The following MGAM2 variants were observed in gnomAD, a reference collection of about 807,000 sequenced individuals.
The protein encoded by MGAM2 is probable maltase-glucoamylase 2.
Under a neutral mutation model 96.1 loss-of-function variants are expected in MGAM2, and 98 were observed. That is an observed-to-expected ratio of 1.02 (90% CI 0.87 to 1.21). The LOEUF (loss-of-function observed/expected upper bound fraction) is 1.21. MGAM2 is among the 50% of genes most tolerant of loss of function. The pLI is 0.00. For missense variants in MGAM2, 2,055 were observed against 1,182.4 expected (o/e 1.74, Z -10.82); for synonymous variants, 749 against 414.8 (o/e 1.81, Z -9.79).
intron 27 of MGAM2, among the ~76,000 whole-genome samples, chr7:142,170,443 T>A (rs1796153371): frequency 6.6e-6 from 1 of 152,180 alleles, no homozygotes; most frequent in Non-Finnish European, 1.5e-5. Flanking sequence ...AATGAAGTAT[T>A]GTTTGATTTC....
chr7:142,114,166 G>GA (rs1258539007), intron 1 of MGAM2, among the ~76,000 whole-genome samples: 1 of 102,576 alleles, frequency 9.7e-6, no homozygotes, highest in Non-Finnish European at 1.8e-5. Context: ...AAGAAAGAAA[G>GA]AAAGAAAGAA....
At position 142,161,670 on chromosome 7, in the gene MGAM2, C is replaced by A. The variant is rs1205278201; in HGVS notation, c.2435-285C>A. Reference sequence around the variant, plus strand: ...ATGGAATTAGTATGTATTGTGTAGGCCTTGAGGAACTCATGATCCAGCAGG... The same window carrying A: ...ATGGAATTAGTATGTATTGTGTAGGACTTGAGGAACTCATGATCCAGCAGG... On this transcript the variant is annotated intron_variant, in intron 22 of 47. Coordinates refer to ENST00000477922, the MANE Select transcript of MGAM2 (RefSeq NM_001293626.2). 3.3e-5 allele frequency among the ~76,000 whole-genome samples: 5 copies of A among 152,056 alleles called. No homozygotes were observed. The East Asian group carries it at 9.6e-4, about 29-fold the overall frequency.
At chr7:142,125,575 T>C (rs535394839) in intron 3 of MGAM2, among the ~76,000 whole-genome samples, 2 of 152,280 alleles carry the variant, frequency 1.3e-5, no homozygotes, top group East Asian at 3.9e-4. Context: ...CCAGCCTTTT[T>C]TGTTATCTGA....
intron 32 of MGAM2, among the ~76,000 whole-genome samples, chr7:142,178,224 G>A (rs1023437595): frequency 2.0e-5 from 3 of 152,088 alleles, no homozygotes; most frequent in African/African-American, 7.2e-5. Context: ...TTTTTGGCTT[G>A]TTGATTTAAG....
chr7:142,140,182 G>GC (rs893013145), intron 10 of MGAM2, among the ~76,000 whole-genome samples: 1 of 152,120 alleles, frequency 6.6e-6, no homozygotes, highest in African/African-American at 2.4e-5. Flanking sequence ...GCCCTCATCA[G>GC]CCCCCCTACC....
intron 1 of MGAM2, among the ~76,000 whole-genome samples, chr7:142,113,594 A>T (rs905164560): frequency 2.0e-5 from 3 of 152,130 alleles, no homozygotes; most frequent in Admixed American, 1.3e-4. Flanking sequence ...AATTTGGCCA[A>T]ATTGGCAGGA....
chr7:142,194,557 C>G (rs190911284), intron 37 of MGAM2, among the ~76,000 whole-genome samples: 1 of 152,282 alleles, frequency 6.6e-6, no homozygotes, highest in Admixed American at 6.5e-5. Flanking sequence ...CATACATATG[C>G]ATTCTTCCAA....
Position 142,183,288 on chromosome 7 carries a change from A to T in MGAM2, c.3839A>T (p.Glu1280Val). The T allele has an allele frequency of 1.4e-6, 1 of 703,450 alleles. No homozygotes were observed. Among genetic ancestry groups the T allele is most frequent in the Non-Finnish European group, 2.6e-6 (1 of 384,972 alleles). The allele number at this position is 703,450 out of a possible 1,614,324, so 43.6% of individuals were successfully genotyped here. ...LILDPAISGN[E>V]TQYLPFIRGQ... ...CAGGACCCAGCCATTTCTGGCAATG[A>T]GACACAGTATCTCCCATTCATTAGA... The change falls in exon 33 of 48, where the codon GAG becomes GTG. Residue 1280 changes from glutamate (E) to valine (V), a missense_variant. By Grantham distance (121) the Glu-to-Val change is moderately radical (BLOSUM62 -2). Transcript: ENST00000477922.
rs752615523 is a variant in MGAM2 at position 142,148,926 on chromosome 7, C to A, written c.1634+1353C>A. 1.5e-4 allele frequency among the ~76,000 whole-genome samples: 23 copies of A among 152,098 alleles called. No individual in the cohort carries two copies. The highest frequency in any genetic ancestry group is 5.9e-5 in the Non-Finnish European group (4 of 67,998). On this transcript the variant is annotated intron_variant, in intron 15 of 47. Coordinates refer to ENST00000477922, the MANE Select transcript of MGAM2 (RefSeq NM_001293626.2). The surrounding 1 kb of genome is among the most constrained non-coding windows in gnomAD (Gnocchi z 4.2). ...TCCTTTAAACTTAGCTCCTTCAGTC[C>A]TTAAGATACTGCTCTGCTGGCTTGG...
chr7:142,120,553 G>T (rs1794539668), intron 3 of MGAM2, among the ~76,000 whole-genome samples, 172 bp downstream of exon 3: 1 of 151,914 alleles, frequency 6.6e-6, no homozygotes, highest in Admixed American at 6.5e-5. Flanking sequence ...AGGGAAGCAG[G>T]GTTGAAAAAA....
At position 142,221,118 on chromosome 7, in the gene MGAM2, A is replaced by G; in HGVS notation, c.6607A>G (p.Thr2203Ala). ...TAGCAACAGTTTTTCCATTATGACC[A>G]CTTCTTTCTCTGAAAGTACTAATGC... is the stretch of plus-strand genomic sequence containing the variant. ...TTSNSFSIMTTSFSESTNAMN... is the reference protein window; with the variant it reads ...TTSNSFSIMTASFSESTNAMN... The change falls in exon 48 of 48, where the codon ACT (threonine) becomes GCT (alanine). Residue 2203 changes from threonine to alanine, a missense_variant. By Grantham distance (58) the Thr-to-Ala change is moderately conservative (BLOSUM62 0). Transcript: ENST00000477922. The G allele has an allele frequency of 1.4e-6, 1 of 702,460 alleles. No individual in the cohort carries two copies. The highest frequency in any genetic ancestry group is 1.7e-5 in the African/African-American group (1 of 57,272). 43.5% of individuals were successfully genotyped at this position (702,460 alleles called of 1,614,324 possible). A position where few individuals can be genotyped will look rare whatever the true frequency, so the allele number is the denominator to read the frequency against.
At chr7:142,188,154 G>T (rs1796762423) in intron 36 of MGAM2, among the ~76,000 whole-genome samples, 1 of 122,708 alleles carries the variant, frequency 8.1e-6, no homozygotes, top group Non-Finnish European at 1.7e-5. Context: ...ACACACACGT[G>T]GAGAGATGTT....
At chr7:142,219,722 T>C (rs904661130) in intron 47 of MGAM2, 148 bp from the exon 48 acceptor site, 1 of 590,140 alleles carries the variant, frequency 1.7e-6, no homozygotes, top group Non-Finnish European at 3.0e-6. Context: ...AAAATCAACA[T>C]GACCTAACCC....
chr7:142,158,191 T>A, intron 18 of MGAM2, 57 bp from the exon 19 acceptor site: 1 of 701,274 alleles, frequency 1.4e-6, no homozygotes, highest in South Asian at 1.5e-5. Flanking sequence ...TTACATAATG[T>A]GCCATTGTCC....
Position 142,171,272 on chromosome 7 carries a change from T to C in MGAM2, c.3183T>C (p.Ile1061=), listed in dbSNP as rs2129090247. Residue 1061 remains isoleucine (I), a splice_region_variant and synonymous_variant, in exon 28 of 48, where the codon ATT becomes ATC. Coordinates refer to ENST00000477922, the MANE Select transcript of MGAM2 (RefSeq NM_001293626.2). ...QIQRKNSSTV[I]WDSQLPGFIF... ...AGCGTGATCTGCTTTTGTGTTGCAG[T>C]TGGGATTCTCAACTCCCTGGCTTCA... 1.4e-6 allele frequency: 1 copy of C among 702,536 alleles called. No homozygotes were observed. The highest frequency in any genetic ancestry group is 2.6e-6 in the Non-Finnish European group (1 of 384,568). The allele number at this position is 702,536 out of a possible 1,614,324, so 43.5% of individuals were successfully genotyped here. A position where few individuals can be genotyped will look rare whatever the true frequency, so the allele number is the denominator to read the frequency against.
chr7:142,117,398 A>G (rs2129073560), intron 2 of MGAM2, among the ~76,000 whole-genome samples: 1 of 152,298 alleles, frequency 6.6e-6, no homozygotes, highest in African/African-American at 2.4e-5. Context: ...CAACATACAT[A>G]GCTATAGTTT....
intron 3 of MGAM2, among the ~76,000 whole-genome samples, chr7:142,125,282 A>T (rs1389020719): frequency 1.3e-5 from 2 of 152,226 alleles, no homozygotes; most frequent in Non-Finnish European, 2.9e-5. Flanking sequence ...CTATTGAAGA[A>T]ATCCCTGCAT....
chr7:142,162,242 C>A (rs1795911297), intron 23 of MGAM2, among the ~76,000 whole-genome samples: 1 of 151,634 alleles, frequency 6.6e-6, no homozygotes, highest in African/African-American at 2.4e-5. Context: ...AAAAACATTA[C>A]CTTTGAGTTT....
rs765814909 is a variant in MGAM2, at chr7:142,207,676, G to A, written c.5138-897G>A. Among the ~76,000 whole-genome samples the A allele has an allele frequency of 2.8e-4, 42 of 152,020 alleles. 1 individual carries two copies. Among genetic ancestry groups the A allele is most frequent in the Admixed American group, 1.0e-3 (16 of 15,254 alleles). On this transcript the variant is annotated intron_variant, in intron 45 of 47. Coordinates refer to ENST00000477922, the MANE Select transcript of MGAM2 (RefSeq NM_001293626.2). ...GAGCTCCTGACCTCGTGATGCGCCC[G>A]CCTCGGCCTCCCAAAATGCTGGGAT...
Sources: allele counts gnomAD v4.1 joint callset (sites outside exome capture counted in the v4.1 genomes callset), GRCh38; gene constraint gnomAD v4.1.1; non-coding constraint Gnocchi (gnomAD v3.1); transcripts MANE v1.5; gene names NCBI Gene and HGNC (gene_info 2026-07-23, HGNC 2026-07-21).